The following NXPH2 variants were observed in gnomAD, a reference collection of about 807,000 sequenced individuals.
The protein encoded by NXPH2 is neurexophilin 2, also known as neurexophilin-2.
Under a neutral mutation model 19.8 loss-of-function variants are expected in NXPH2, and 5 were observed. The ratio of observed to expected loss-of-function variants is 0.25; its 90% CI spans 0.13 to 0.53. The LOEUF (loss-of-function observed/expected upper bound fraction) is 0.53, where lower values mean the gene tolerates loss of function less well. Ranked by LOEUF, NXPH2 falls within the 20% of genes least tolerant of loss-of-function variation. NXPH2 has a pLI of 0.96. For missense variants in NXPH2, 289 were observed against 322.8 expected (o/e 0.90, Z 0.80); for synonymous variants, 154 against 127.4 (o/e 1.21, Z -1.41).
At chr2:138,769,007 A>G (rs1346043411) in intron 1 of NXPH2, among the ~76,000 whole-genome samples, 1 of 152,214 alleles carries the variant, frequency 6.6e-6, no homozygotes, top group East Asian at 1.9e-4. Context: ...CGTCGCAGTT[A>G]AGAGTATGTG....
intron 1 of NXPH2, among the ~76,000 whole-genome samples, chr2:138,674,211 T>C (rs1233134811): frequency 6.6e-6 from 1 of 151,624 alleles, no homozygotes; most frequent in Non-Finnish European, 1.5e-5. Context: ...TGGAGTGGAG[T>C]GGTGCAATCT....
chr2:138,689,465 G>A (rs540504645), intron 1 of NXPH2, among the ~76,000 whole-genome samples: 8 of 152,254 alleles, frequency 5.3e-5, no homozygotes, highest in South Asian at 4.1e-4. Context: ...GTCCTCCAGC[G>A]TACACGGGAC....
chr2:138,777,761 G>C (rs1458732693), intron 1 of NXPH2, among the ~76,000 whole-genome samples: 1 of 145,220 alleles, frequency 6.9e-6, no homozygotes, highest in African/African-American at 2.6e-5. Context: ...CTTCAGGCTG[G>C]CAGTGCAGAT....
At chr2:138,774,593 T>C (rs186115132) in intron 1 of NXPH2, among the ~76,000 whole-genome samples, 5 of 152,384 alleles carry the variant, frequency 3.3e-5, no homozygotes, top group Admixed American at 1.3e-4. Flanking sequence ...TTGTCATTAT[T>C]GACTTCATTT....
In NXPH2 at chr2:138,721,836, T is replaced by G. The variant is rs1276145787; in HGVS notation, c.52-50171A>C. Among the ~76,000 whole-genome samples, 9 of 152,328 alleles carry G rather than the reference T, an allele frequency of 5.9e-5. No individual in the cohort carries two copies. The East Asian group carries it at 1.5e-3, about 26-fold the overall frequency. ...CCTTGTTAGCAAGTGGGATAATGCC[T>G]GTAAGTTTGCAGGATTTAGATGCAG... On this transcript the variant is annotated intron_variant, in intron 1 of 1. Coordinates refer to ENST00000272641, the MANE Select transcript of NXPH2 (RefSeq NM_007226.3).
chr2:138,760,820 CG>C (rs1216480905), intron 1 of NXPH2, among the ~76,000 whole-genome samples: 3 of 152,136 alleles, frequency 2.0e-5, no homozygotes, highest in African/African-American at 7.2e-5. Context: ...GACTCATGGA[CG>C]GAGTGGACAG....
intron 1 of NXPH2, among the ~76,000 whole-genome samples, chr2:138,769,590 C>G (rs565121539): frequency 1.3e-5 from 2 of 152,276 alleles, no homozygotes; most frequent in Admixed American, 1.3e-4. Flanking sequence ...CAAACAAAGG[C>G]AAAGGAGAAC....
At chr2:138,747,266 G>A (rs1681751713) in intron 1 of NXPH2, among the ~76,000 whole-genome samples, 1 of 152,144 alleles carries the variant, frequency 6.6e-6, no homozygotes, top group African/African-American at 2.4e-5. Flanking sequence ...TGATGCCCTT[G>A]CCCAGTGAAC....
intron 1 of NXPH2, among the ~76,000 whole-genome samples, chr2:138,773,307 C>T (rs1682206600): frequency 6.6e-6 from 1 of 152,150 alleles, no homozygotes; most frequent in Non-Finnish European, 1.5e-5. Flanking sequence ...TTTTCCATTT[C>T]CATAGCCATA....
rs1680387262 is a variant in NXPH2, at chr2:138,669,755, C to T, written c.*1167G>A. On this transcript the variant is annotated 3_prime_UTR_variant, in exon 2 of 2. Coordinates refer to ENST00000272641, the MANE Select transcript of NXPH2 (RefSeq NM_007226.3). ...TACCATATAGGACTGCTATTCACCCCCACAGGGAAGATGAGAAGGGCACTG... is the reference window on the plus strand; with the variant it reads ...TACCATATAGGACTGCTATTCACCCTCACAGGGAAGATGAGAAGGGCACTG... Among the ~76,000 whole-genome samples the T allele has an allele frequency of 1.3e-5, 2 of 152,106 alleles. No homozygotes were observed. The highest frequency in any genetic ancestry group is 2.9e-5 in the Non-Finnish European group (2 of 68,014).
Position 138,671,549 on chromosome 2 carries a change from C to T in NXPH2, c.168G>A (p.Leu56=). The stretch of plus-strand genomic sequence containing the variant: ...CCGGAGACTGTTTAACAAACAGGCG[C>T]AGGGGACTGATGATCCTTGAGTGCA... ...NVVHSRIISP[L]RLFVKQSPVP... The change falls in exon 2 of 2, where the codon CTG becomes CTA. Residue 56 remains leucine (L), a synonymous_variant. Coordinates refer to ENST00000272641, the MANE Select transcript of NXPH2 (RefSeq NM_007226.3). 6.2e-7 allele frequency: 1 copy of T among 1,613,976 alleles called. No individual in the cohort carries two copies. Among genetic ancestry groups the T allele is most frequent in the Non-Finnish European group, 8.5e-7 (1 of 1,179,868 alleles).
chr2:138,732,844 C>A (rs1255212866), intron 1 of NXPH2, among the ~76,000 whole-genome samples: 1 of 152,148 alleles, frequency 6.6e-6, no homozygotes, highest in South Asian at 2.1e-4. Context: ...CTCACCAGTG[C>A]TGATTAAGCA....
intron 1 of NXPH2, among the ~76,000 whole-genome samples, chr2:138,718,463 C>G (rs1573965353): frequency 6.6e-6 from 1 of 152,142 alleles, no homozygotes; most frequent in Admixed American, 6.5e-5. Context: ...GTTGAAACTA[C>G]AATTTTTATG....
chr2:138,775,402 C>T (rs951106789), intron 1 of NXPH2, among the ~76,000 whole-genome samples: 1 of 151,944 alleles, frequency 6.6e-6, no homozygotes, highest in East Asian at 1.9e-4. Flanking sequence ...CTGTAAATTG[C>T]TTTAGATTCC....
chr2:138,750,630 G>GA (rs1681815337), intron 1 of NXPH2, among the ~76,000 whole-genome samples: 1 of 152,138 alleles, frequency 6.6e-6, no homozygotes, highest in African/African-American at 2.4e-5. Flanking sequence ...AGACACAAAG[G>GA]TGAATAAGAC....
At chr2:138,697,267 C>A (rs1211623757) in intron 1 of NXPH2, among the ~76,000 whole-genome samples, 7 of 151,980 alleles carry the variant, frequency 4.6e-5, no homozygotes, top group African/African-American at 1.2e-4. Context: ...CATGTGTATA[C>A]CTTTGTCAAA....
chr2:138,700,852 G>C (rs1680910912), intron 1 of NXPH2, among the ~76,000 whole-genome samples: 1 of 152,046 alleles, frequency 6.6e-6, no homozygotes. Context: ...ATCGGTGGTT[G>C]AACCACAGTG....
At chr2:138,748,061 C>T (rs1681768540) in intron 1 of NXPH2, among the ~76,000 whole-genome samples, 1 of 152,188 alleles carries the variant, frequency 6.6e-6, no homozygotes. Flanking sequence ...CTATGGGTCC[C>T]TTTATCAGCT....
At chr2:138,689,487 C>T (rs1479855976) in intron 1 of NXPH2, among the ~76,000 whole-genome samples, 1 of 152,144 alleles carries the variant, frequency 6.6e-6, no homozygotes, top group Non-Finnish European at 1.5e-5. Context: ...ATTAGCAAAG[C>T]ATCCACTAAA....
Sources: allele counts gnomAD v4.1 joint callset (sites outside exome capture counted in the v4.1 genomes callset), GRCh38; gene constraint gnomAD v4.1.1; transcripts MANE v1.5; gene names NCBI Gene and HGNC (gene_info 2026-07-23, HGNC 2026-07-21).